The following PIK3CB variants were observed in gnomAD, a reference collection of about 807,000 sequenced individuals.
PIK3CB encodes phosphatidylinositol-4,5-bisphosphate 3-kinase catalytic subunit beta.
In PIK3CB, 39 loss-of-function variants were observed where a neutral mutation model predicts 136.8. The observed-to-expected ratio is 0.29, with a 90% CI of 0.22 to 0.37. The LOEUF (loss-of-function observed/expected upper bound fraction) is 0.37, where lower values mean the gene tolerates loss of function less well. Among genes scored for constraint, PIK3CB ranks in the 10% least tolerant of loss-of-function variants. PIK3CB has a pLI of 1.00. For missense variants in PIK3CB, 868 were observed against 1,275.4 expected, an observed-to-expected ratio of 0.68 and a Z score of 4.87; for synonymous variants, 428 against 436.6, an observed-to-expected ratio of 0.98 and a Z score of 0.25.
Position 138,721,156 on chromosome 3 carries a change from C to T in PIK3CB, c.1051-6437G>A, listed in dbSNP as rs2044717254. Among the ~76,000 whole-genome samples, 3 of 151,778 alleles carry T rather than the reference C, an allele frequency of 2.0e-5. No individual in the cohort carries two copies. The South Asian group carries it at 6.2e-4, about 31-fold the overall frequency. On this transcript the variant is annotated intron_variant, in intron 8 of 23. Transcript: ENST00000674063. ...ACACATGATTTCTGCTTAGAAACTT[C>T]ATATCCTTAAGTTTTTTTTTTTTGA...
chr3:138,773,372 T>C (rs554591185), intron 2 of PIK3CB, among the ~76,000 whole-genome samples: 9 of 151,918 alleles, frequency 5.9e-5, no homozygotes, highest in Admixed American at 3.9e-4. Context: ...GCCTGGGCGA[T>C]AGAGTGAGTG....
chr3:138,689,174 G>A (rs983849337), intron 15 of PIK3CB, among the ~76,000 whole-genome samples, 200 bp from the exon 16 acceptor site: 8 of 151,630 alleles, frequency 5.3e-5, no homozygotes, highest in Non-Finnish European at 7.4e-5. Context: ...GTGTGATCTC[G>A]GCTCACTGCA....
chr3:138,707,589 C>T (rs2108561769), intron 10 of PIK3CB: 1 of 1,095,074 alleles, frequency 9.1e-7, no homozygotes, highest in Non-Finnish European at 1.1e-6. Flanking sequence ...TGCTCTCTCT[C>T]CATCAAAATT....
At position 138,732,047 on chromosome 3, in the gene PIK3CB, C is replaced by T. The variant is rs116986770; in HGVS notation, c.1050+1314G>A. Among the ~76,000 whole-genome samples, 70 of 151,870 alleles carry T rather than the reference C, an allele frequency of 4.6e-4. No individual in the cohort carries two copies. The East Asian group carries it at 0.013, about 27-fold the overall frequency. ...AAAGCCTTTATTTTAATGATAGCTACTCAAAGAATCTTCTTCTAAAATTGC... is the reference window on the plus strand; with the variant it reads ...AAAGCCTTTATTTTAATGATAGCTATTCAAAGAATCTTCTTCTAAAATTGC... On this transcript the variant is annotated intron_variant, in intron 8 of 23. Transcript: ENST00000674063.
chr3:138,801,181 CA>C (rs996800220), intron 1 of PIK3CB, among the ~76,000 whole-genome samples: 5 of 151,736 alleles, frequency 3.3e-5, no homozygotes, highest in African/African-American at 4.8e-5. Flanking sequence ...GATGACAAGT[CA>C]AAAAAGCAAG....
At chr3:138,670,287 T>C (rs1431784735) in intron 19 of PIK3CB, among the ~76,000 whole-genome samples, 1 of 152,226 alleles carries the variant, frequency 6.6e-6, no homozygotes, top group Non-Finnish European at 1.5e-5. Context: ...TAGCTTTTCA[T>C]AACTAAATGA....
At chr3:138,700,747 AGATAGAG>A in intron 12 of PIK3CB, among the ~76,000 whole-genome samples, 1 of 151,268 alleles carries the variant, frequency 6.6e-6, no homozygotes, top group East Asian at 1.9e-4. Flanking sequence ...AGATAGATAG[AGATAGAG>A]TAGAAGAAAA....
intron 8 of PIK3CB, among the ~76,000 whole-genome samples, chr3:138,731,294 C>T (rs921222705): frequency 1.3e-5 from 2 of 151,664 alleles, no homozygotes; most frequent in Admixed American, 6.6e-5. Context: ...ACTCTGTCAC[C>T]GGGGTGGAAG....
chr3:138,757,912 T>C (rs2045602995), intron 3 of PIK3CB, among the ~76,000 whole-genome samples: 1 of 152,168 alleles, frequency 6.6e-6, no homozygotes, highest in African/African-American at 2.4e-5. Context: ...CTTCTAGGTA[T>C]ATACCCAAAA....
intron 8 of PIK3CB, among the ~76,000 whole-genome samples, chr3:138,715,626 G>A (rs2044590596): frequency 6.6e-6 from 1 of 151,970 alleles, no homozygotes; most frequent in South Asian, 2.1e-4. Context: ...ATTTGAAAAG[G>A]AAGATAAATA....
chr3:138,826,357 G>A (rs1401759769), intron 1 of PIK3CB: 16 of 1,580,370 alleles, frequency 1.0e-5, no homozygotes, highest in Non-Finnish European at 1.4e-5. Flanking sequence ...TGCCACCTGA[G>A]TCTTAATCAG....
At chr3:138,687,131 AC>A (rs1325452469) in intron 16 of PIK3CB, among the ~76,000 whole-genome samples, 1 of 152,140 alleles carries the variant, frequency 6.6e-6, no homozygotes, top group African/African-American at 2.4e-5. Context: ...TAAGTCTAAT[AC>A]TTTAAGTGTT....
intron 22 of PIK3CB, among the ~76,000 whole-genome samples, 163 bp from the exon 23 acceptor site, chr3:138,656,437 A>C (rs1241216980): frequency 6.6e-6 from 1 of 152,228 alleles, no homozygotes; most frequent in Admixed American, 6.5e-5. Context: ...AAATTGTCCC[A>C]GGACTAAAAT....
chr3:138,731,220 T>G (rs2044965350), intron 8 of PIK3CB, among the ~76,000 whole-genome samples: 1 of 152,142 alleles, frequency 6.6e-6, no homozygotes, highest in Non-Finnish European at 1.5e-5. Context: ...GACCAGTACC[T>G]TTTTTCTTAA....
At chr3:138,694,754 T>C (rs2044098816) in intron 14 of PIK3CB, 32 bp downstream of exon 14, 2 of 1,606,668 alleles carry the variant, frequency 1.2e-6, no homozygotes, top group African/African-American at 1.3e-5. Context: ...AAGTTATTCC[T>C]TGCCCCAAAG....
chr3:138,807,558 C>T (rs899336914), intron 1 of PIK3CB, among the ~76,000 whole-genome samples: 4 of 152,072 alleles, frequency 2.6e-5, no homozygotes, highest in African/African-American at 7.2e-5. Flanking sequence ...CACTATGGTA[C>T]ATCCACATAA....
chr3:138,788,457 G>A (rs1044632638), intron 2 of PIK3CB, among the ~76,000 whole-genome samples: 3 of 150,452 alleles, frequency 2.0e-5, no homozygotes, highest in Non-Finnish European at 4.4e-5. Flanking sequence ...AGGAGTTGAA[G>A]ACCAGCCTGA....
intron 12 of PIK3CB, among the ~76,000 whole-genome samples, chr3:138,699,856 A>G (rs994373905): frequency 1.3e-5 from 2 of 152,080 alleles, no homozygotes; most frequent in Admixed American, 6.6e-5. Context: ...TGCATTCTCC[A>G]AGGAGCACTT....
intron 2 of PIK3CB, among the ~76,000 whole-genome samples, chr3:138,782,504 T>C (rs1039061291): frequency 6.6e-6 from 1 of 152,218 alleles, no homozygotes; most frequent in East Asian, 1.9e-4. Flanking sequence ...ATGACAACTA[T>C]ACCAAGGTCA....
Sources: allele counts gnomAD v4.1 joint callset (sites outside exome capture counted in the v4.1 genomes callset), GRCh38; gene constraint gnomAD v4.1.1; transcripts MANE v1.5; gene names NCBI Gene and HGNC (gene_info 2026-07-23, HGNC 2026-07-21).